Variants in SCLY observed in about 807,000 individuals in gnomAD.
SCLY encodes the protein selenocysteine lyase.
SCLY carries 38 observed loss-of-function variants against 50.1 expected under a neutral mutation model. The ratio of observed to expected loss-of-function variants is 0.76; its 90% confidence interval spans 0.59 to 0.99. The LOEUF is 0.99. Ranked by LOEUF, SCLY falls within the 50% of genes least tolerant of loss-of-function variation. SCLY has a pLI of 0.00. For synonymous variants in SCLY, 243 were observed against 249.4 expected, an observed-to-expected ratio of 0.97 and a Z score of 0.24; for missense variants, 600 against 620.0, an observed-to-expected ratio of 0.97 and a Z score of 0.34.
chr2:238,061,164 G>A (rs1391052321), intron 1 of SCLY, 21 bp downstream of exon 1: 1 of 1,482,694 alleles, frequency 6.7e-7, no homozygotes, highest in Non-Finnish European at 9.1e-7. Context: ...TTAGGGCAGG[G>A]CTGGGGAGCG....
chr2:238,088,114 C>T (rs1432117341), intron 7 of SCLY, among the ~76,000 whole-genome samples: 5 of 152,116 alleles, frequency 3.3e-5, no homozygotes, highest in Non-Finnish European at 7.4e-5. Context: ...AAGAATGATA[C>T]ACTGTGACCA....
chr2:238,098,643 ACATGGGAC>A lies in SCLY; in HGVS notation c.*290_*297del, dbSNP rs1393342474. 276 of 427,670 alleles carry A rather than the reference ACATGGGAC, an allele frequency of 6.5e-4. 10 individuals carry two copies. Among genetic ancestry groups the A allele is most frequent in the East Asian group, 9.3e-4 (27 of 28,990 alleles). The allele number at this position is 427,670 out of a possible 1,614,324, so 26.5% of individuals were successfully genotyped here. On this transcript the variant is annotated 3_prime_UTR_variant, in exon 12 of 12. Transcript: ENST00000254663. ...TGGGACCGCCCACATGGGACCGCCC[ACATGGGAC>A]CGCCCACATAGAACCGTCCTCCAGT...
chr2:238,070,654 A>T (rs1288797917), intron 4 of SCLY, among the ~76,000 whole-genome samples: 3 of 152,098 alleles, frequency 2.0e-5, no homozygotes, highest in Admixed American at 6.6e-5. Context: ...CCAGCCTGGG[A>T]GACAGCAAGA....
chr2:238,068,761 G>C (rs2065100020), intron 3 of SCLY, among the ~76,000 whole-genome samples: 1 of 152,152 alleles, frequency 6.6e-6, no homozygotes, highest in African/African-American at 2.4e-5. Context: ...AGATATTTAA[G>C]GACTTTCCAA....
rs1481053742 is a variant in SCLY, at chr2:238,081,945, A to G, written c.613-100A>G. 47 of 1,574,290 alleles carry G rather than the reference A, an allele frequency of 3.0e-5. No homozygotes were observed. The South Asian group carries it at 3.4e-4, about 11-fold the overall frequency. ...TCTGGCCTCTCCCGTTTCTCTGTTC[A>G]CTTTGATAACATTTGGCCTGCGCTC... On this transcript the variant is annotated intron_variant, in intron 5 of 11. Coordinates refer to ENST00000254663, the MANE Select transcript of SCLY (RefSeq NM_016510.7).
chr2:238,074,156 A>G (rs2065151525), intron 4 of SCLY, among the ~76,000 whole-genome samples: 1 of 152,078 alleles, frequency 6.6e-6, no homozygotes, highest in Admixed American at 6.6e-5. Flanking sequence ...AATATACAAA[A>G]TTAGCCATGA....
chr2:238,090,586 GTCGAGA>G (rs2065351381), intron 7 of SCLY, among the ~76,000 whole-genome samples: 2 of 152,176 alleles, frequency 1.3e-5, no homozygotes, highest in Admixed American at 1.3e-4. Context: ...GATGCAGTGA[GTCGAGA>G]TCCACTGCAC....
In SCLY at chr2:238,098,482, G is replaced by T; in HGVS notation, c.*127G>T. The stretch of plus-strand genomic sequence containing the variant: ...CATGCCCCCTCTGCATTTTGTCCTG[G>T]AGTGCCAGCGAGTGTGCACCCCCAG... On this transcript the variant is annotated 3_prime_UTR_variant, in exon 12 of 12. Transcript: ENST00000254663. The T allele has an allele frequency of 9.1e-7, 1 of 1,100,294 alleles. No homozygotes were observed. The highest frequency in any genetic ancestry group is 1.6e-5 in the South Asian group (1 of 61,402). The allele number at this position is 1,100,294 out of a possible 1,614,324, so 68.2% of individuals were successfully genotyped here.
chr2:238,097,482 G>A (rs1209264828), intron 11 of SCLY, among the ~76,000 whole-genome samples: 1 of 152,160 alleles, frequency 6.6e-6, no homozygotes, highest in Non-Finnish European at 1.5e-5. Flanking sequence ...GGAACACTCA[G>A]GGTTCTGGGG....
rs1012343504 is a variant in SCLY at position 238,067,896 on chromosome 2, G to A, written c.203-169G>A. On this transcript the variant is annotated intron_variant, in intron 2 of 11. Coordinates refer to ENST00000254663, the MANE Select transcript of SCLY (RefSeq NM_016510.7). The surrounding 1 kb of genome is among the most constrained non-coding windows in gnomAD (Gnocchi z 4.3). ...CTGCTGTCTCGGCCGCCCCTTTGCC[G>A]GGTTGTGTCTAGGTTGTAGCATTTT... Among the ~76,000 whole-genome samples the A allele has an allele frequency of 5.3e-5, 8 of 152,182 alleles. No homozygotes were observed. The highest frequency in any genetic ancestry group is 2.0e-4 in the Admixed American group (3 of 15,276).
intron 7 of SCLY, among the ~76,000 whole-genome samples, chr2:238,086,708 TA>T (rs386393003): frequency 3.7e-4 from 36 of 97,684 alleles, no homozygotes; most frequent in African/African-American, 6.9e-4. Flanking sequence ...CCTGTCTCTT[TA>T]AAAAAAAAAA....
rs1390775301 is a variant in SCLY, at chr2:238,083,437, G to C, written c.884+83G>C. 1 of 1,062,398 alleles carries C rather than the reference G, an allele frequency of 9.4e-7. No individual in the cohort carries two copies. Among genetic ancestry groups the C allele is most frequent in the Non-Finnish European group, 1.5e-6 (1 of 681,460 alleles). The allele number at this position is 1,062,398 out of a possible 1,614,324, so 65.8% of individuals were successfully genotyped here. ...TGACATTGTAAAGAAACATGGCGCT[G>C]TTTCTTGGTCTCGTGGAGGCTCTGT... On this transcript the variant is annotated intron_variant, in intron 7 of 11. Transcript: ENST00000254663. The surrounding 1 kb of genome is among the most constrained non-coding windows in gnomAD (Gnocchi z 4.3).
Position 238,063,165 on chromosome 2 carries a change from G to T in SCLY, c.90-1192G>T, listed in dbSNP as rs1010598080. Among the ~76,000 whole-genome samples the T allele has an allele frequency of 3.9e-5, 6 of 152,100 alleles. No homozygotes were observed. In the East Asian group the frequency reaches 1.2e-3, roughly 29 times the overall value. On this transcript the variant is annotated intron_variant, in intron 1 of 11. Transcript: ENST00000254663. ...GTCTGGTATGTCAGATGATGATGCT[G>T]CCCAGAAAGGAAGGCGGGAAGGGGA... is the stretch of plus-strand genomic sequence containing the variant.
At chr2:238,062,556 C>T (rs190656069) in intron 1 of SCLY, among the ~76,000 whole-genome samples, 2 of 152,256 alleles carry the variant, frequency 1.3e-5, no homozygotes, top group Admixed American at 1.3e-4. Flanking sequence ...ATTACAGGCA[C>T]GTGCCACCAC....
rs889885583 is a variant in SCLY at position 238,098,491 on chromosome 2, C to T, written c.*136C>T. On this transcript the variant is annotated 3_prime_UTR_variant, in exon 12 of 12. Transcript: ENST00000254663. ...TCTGCATTTTGTCCTGGAGTGCCAG[C>T]GAGTGTGCACCCCCAGTTTCCTTCC... 1.1e-5 allele frequency: 11 copies of T among 994,182 alleles called. No individual in the cohort carries two copies. The highest frequency in any genetic ancestry group is 3.3e-5 in the African/African-American group (2 of 59,884). The allele number at this position is 994,182 out of a possible 1,614,324, so 61.6% of individuals were successfully genotyped here. A position where few individuals can be genotyped will look rare whatever the true frequency, so the allele number is the denominator to read the frequency against.
Position 238,098,321 on chromosome 2 carries a change from A to T in SCLY, c.1304A>T (p.Lys435Met). ...GTGGACCTCGTCGTGCAGGACCTGA[A>T]GCAGGCCGTGGCGCAGCTGGAGGAC... The part of the protein sequence containing the change: ...AEVDLVVQDL[K>M]QAVAQLEDQA Residue 435 changes from lysine (K) to methionine (M), a missense_variant, in exon 12 of 12, where the codon AAG becomes ATG. Transcript: ENST00000254663. The T allele has an allele frequency of 6.2e-7, 1 of 1,605,806 alleles. No individual in the cohort carries two copies. The highest frequency in any genetic ancestry group is 8.5e-7 in the Non-Finnish European group (1 of 1,178,836).
chr2:238,073,215 T>C (rs1026842768), intron 4 of SCLY, among the ~76,000 whole-genome samples: 1 of 152,248 alleles, frequency 6.6e-6, no homozygotes, highest in African/African-American at 2.4e-5. Context: ...TCCATTTACC[T>C]GTATTTCTGT....
At chr2:238,070,378 T>C (rs537388499) in intron 4 of SCLY, among the ~76,000 whole-genome samples, 1 of 152,300 alleles carries the variant, frequency 6.6e-6, no homozygotes, top group South Asian at 2.1e-4. Context: ...GAAGCCTTTT[T>C]TGAAAAAAAA....
rs948062817 is a variant in SCLY at position 238,068,351 on chromosome 2, C to T, written c.303+186C>T. 6.5e-5 allele frequency: 29 copies of T among 444,110 alleles called. No individual in the cohort carries two copies. The South Asian group carries it at 1.0e-3, about 16-fold the overall frequency. The allele number at this position is 444,110 out of a possible 1,614,324, so 27.5% of individuals were successfully genotyped here. A position where few individuals can be genotyped will look rare whatever the true frequency, so the allele number is the denominator to read the frequency against. On this transcript the variant is annotated intron_variant, in intron 3 of 11. Transcript: ENST00000254663. ...GTTGGTTGAGCCCAGGAGTTTGCGA[C>T]CTCCCTGAGCAACATAGGGAAAGTC...
Sources: gnomAD v4.1 joint callset for allele counts (sites outside exome capture counted in the v4.1 genomes callset) on GRCh38, gnomAD v4.1.1 for gene constraint, Gnocchi (gnomAD v3.1) non-coding constraint, MANE v1.5 for transcripts, NCBI Gene and HGNC (gene_info 2026-07-23, HGNC 2026-07-21) for gene names.